MROH2A: variants seen among roughly 807,000 people sequenced by gnomAD.
The protein encoded by MROH2A is maestro heat like repeat family member 2A, also known as maestro heat-like repeat-containing protein family member 2A.
A neutral mutation model predicts 200.4 loss-of-function variants in MROH2A; 174 were observed. The ratio of observed to expected loss-of-function variants is 0.87; its 90% CI spans 0.77 to 0.98. The LOEUF (loss-of-function observed/expected upper bound fraction) is 0.98. Among genes scored for constraint, MROH2A ranks in the 50% least tolerant of loss-of-function variants. The pLI is 0.00. For synonymous variants in MROH2A, 829 were observed against 840.4 expected, an observed-to-expected ratio of 0.99 and a Z score of 0.23; for missense variants, 2,045 against 2,139.6, an observed-to-expected ratio of 0.96 and a Z score of 0.87.
chr2:233,820,409 A>T lies in MROH2A; in HGVS notation c.3512+353A>T, dbSNP rs1703859858. Among the ~76,000 whole-genome samples the T allele has an allele frequency of 6.6e-6, 1 of 152,182 alleles. No homozygotes were observed. Among genetic ancestry groups the T allele is most frequent in the African/African-American group, 2.4e-5 (1 of 41,448 alleles). ...AGGGTGCGGCTCCAAGGCATGAGCAAGCCCTGGATATATTCCAGGCTGTCC... is the reference window on the plus strand; with the variant it reads ...AGGGTGCGGCTCCAAGGCATGAGCATGCCCTGGATATATTCCAGGCTGTCC... On this transcript the variant is annotated intron_variant, in intron 31 of 41. Transcript: ENST00000389758. This position sits in a 1 kb window ranked among gnomAD's most constrained non-coding sequence, Gnocchi z 4.1.
chr2:233,815,850 T>C (rs1188068958), intron 26 of MROH2A, among the ~76,000 whole-genome samples: 9 of 56,866 alleles, frequency 1.6e-4, no homozygotes, highest in African/African-American at 3.2e-4. Context: ...TTTTGCTTTT[T>C]TTTTTTTTTT....
chr2:233,828,729 G>T lies in MROH2A; in HGVS notation c.4213G>T (p.Val1405Leu). 6.4e-7 allele frequency: 1 copy of T among 1,550,538 alleles called. No homozygotes were observed. The highest frequency in any genetic ancestry group is 8.7e-7 in the Non-Finnish European group (1 of 1,146,920). The change falls in exon 36 of 42, where the codon GTG (valine) becomes TTG (leucine). Residue 1405 changes from valine to leucine, a missense_variant. Coordinates refer to ENST00000389758, the MANE Select transcript of MROH2A (RefSeq NM_001394639.1). The surrounding 1 kb of genome is among the most constrained non-coding windows in gnomAD (Gnocchi z 4.6). ...CCAGGAGGAAGACGAGGCCCTGCGG[G>T]TGCTGTCCCTGCGCGCCCTCGGCAA... ...ADQEEDEALR[V>L]LSLRALGNMA...
chr2:233,793,540 T>C, intron 6 of MROH2A, 133 bp from the exon 7 acceptor site: 1 of 761,768 alleles, frequency 1.3e-6, no homozygotes, highest in Non-Finnish European at 1.9e-6. Context: ...CTGTGGGGGG[T>C]TGGAAGGGCA....
At chr2:233,788,198 A>T (rs1205726746) in intron 3 of MROH2A, among the ~76,000 whole-genome samples, 6 of 126,464 alleles carry the variant, frequency 4.7e-5, no homozygotes, top group Admixed American at 2.1e-4. Flanking sequence ...ACACACATAT[A>T]CATATATATG....
At chr2:233,827,812 AT>A (rs34589114) in intron 35 of MROH2A, among the ~76,000 whole-genome samples, 66,429 of 151,634 alleles carry the variant, frequency 0.44, 16,575 homozygotes, top group East Asian at 0.67. Context: ...ATTATAAATG[AT>A]TTTTTTTTAA....
At chr2:233,832,757 G>T (rs554826221) in intron 41 of MROH2A, 113 bp downstream of exon 41, 3 of 661,202 alleles carry the variant, frequency 4.5e-6, no homozygotes, top group Admixed American at 2.4e-5. Flanking sequence ...TGGGGTTTCG[G>T]GGGGGTGGGA....
At position 233,794,495 on chromosome 2, in the gene MROH2A, T is replaced by C. The variant is rs1701980260; in HGVS notation, c.955T>C (p.Phe319Leu). The C allele has an allele frequency of 6.6e-7, 1 of 1,525,566 alleles. No individual in the cohort carries two copies. The highest frequency in any genetic ancestry group is 8.9e-7 in the Non-Finnish European group (1 of 1,124,292). 94.5% of individuals were successfully genotyped at this position (1,525,566 alleles called of 1,614,324 possible). A position where few individuals can be genotyped will look rare whatever the true frequency, so the allele number is the denominator to read the frequency against. Residue 319 changes from phenylalanine (F) to leucine (L), a missense_variant, in exon 8 of 42, where the codon TTC becomes CTC. Phe to Leu is a conservative substitution (Grantham distance 22). Transcript: ENST00000389758. ...GTACCAGGGCAGTCTGGAGGTGCTCTTCGTCACGCAGGCGAGTGGCCAGGC... is the reference window on the plus strand; with the variant it reads ...GTACCAGGGCAGTCTGGAGGTGCTCCTCGTCACGCAGGCGAGTGGCCAGGC... The part of the protein sequence containing the change: ...AEYQGSLEVL[F>L]VTQVLRQILE...
At chr2:233,815,677 C>A (rs1347168555) in intron 26 of MROH2A, among the ~76,000 whole-genome samples, 2 of 152,138 alleles carry the variant, frequency 1.3e-5, no homozygotes, top group Non-Finnish European at 1.5e-5. Context: ...TATCTTTGCA[C>A]CTTTGTTGAA....
At chr2:233,801,627 C>T (rs1348694384) in intron 14 of MROH2A, among the ~76,000 whole-genome samples, 4 of 152,176 alleles carry the variant, frequency 2.6e-5, no homozygotes, top group Non-Finnish European at 5.9e-5. Context: ...CAGCGTTTCA[C>T]TCTTAAGGCG....
At chr2:233,816,981 C>A in intron 27 of MROH2A, 96 bp downstream of exon 27, 1 of 769,772 alleles carries the variant, frequency 1.3e-6, no homozygotes, top group South Asian at 1.8e-5. Context: ...CTTATGAAAT[C>A]AAGTTCTGTC....
chr2:233,820,303 C>T lies in MROH2A; in HGVS notation c.3512+247C>T, dbSNP rs1230025816. On this transcript the variant is annotated intron_variant, in intron 31 of 41. Transcript: ENST00000389758. This position sits in a 1 kb window ranked among gnomAD's most constrained non-coding sequence, Gnocchi z 4.1. The stretch of plus-strand genomic sequence containing the variant: ...CTGGACCCGTAGCTCCCCACATGCC[C>T]GGGACAGTGTCTGTGGAGTTCATTC... Among the ~76,000 whole-genome samples the T allele has an allele frequency of 3.9e-5, 6 of 151,914 alleles. No homozygotes were observed. The highest frequency in any genetic ancestry group is 1.2e-4 in the African/African-American group (5 of 41,426).
chr2:233,832,312 G>A, intron 40 of MROH2A, 33 bp downstream of exon 40: 2 of 1,530,636 alleles, frequency 1.3e-6, no homozygotes, highest in Non-Finnish European at 1.8e-6. Context: ...ACTCAAGATA[G>A]ACTTTGAAGG....
intron 37 of MROH2A, 100 bp downstream of exon 37, chr2:233,829,172 C>G: frequency 1.7e-6 from 2 of 1,170,044 alleles, no homozygotes; most frequent in Non-Finnish European, 2.3e-6. Flanking sequence ...AGAGCCGAGG[C>G]TCCTGCTGGG....
intron 17 of MROH2A, 141 bp downstream of exon 17, chr2:233,804,333 T>C (rs1702659277): frequency 1.4e-6 from 2 of 1,388,944 alleles, no homozygotes; most frequent in Admixed American, 4.2e-5. Flanking sequence ...TGAGAACTGG[T>C]TGAGCAGCTT....
chr2:233,819,227 T>G, intron 29 of MROH2A, 90 bp from the exon 30 acceptor site: 1 of 1,293,184 alleles, frequency 7.7e-7, no homozygotes, highest in South Asian at 1.5e-5. Flanking sequence ...GAGCCTGGAG[T>G]GGGGCCATGG....
chr2:233,787,769 C>T lies in MROH2A; in HGVS notation c.277-1728C>T, dbSNP rs1369460881. ...ATATATATTATATATATCATATATA[C>T]ATATATATTATATATATCATATATA... is the stretch of plus-strand genomic sequence containing the variant. On this transcript the variant is annotated intron_variant, in intron 3 of 41. Transcript: ENST00000389758. Among the ~76,000 whole-genome samples the T allele has an allele frequency of 1.1e-4, 2 of 18,428 alleles. 1 individual carries two copies. The highest frequency in any genetic ancestry group is 6.5e-4 in the African/African-American group (2 of 3,064). The allele number at this position is 18,428 out of a possible 152,430, so 12.1% of individuals were successfully genotyped here. A position where few individuals can be genotyped will look rare whatever the true frequency, so the allele number is the denominator to read the frequency against.
chr2:233,797,762 G>A (rs1702212430), intron 11 of MROH2A, among the ~76,000 whole-genome samples: 1 of 151,744 alleles, frequency 6.6e-6, no homozygotes, highest in South Asian at 2.1e-4. Context: ...AGGCCCCTGT[G>A]TGTGATGTTC....
In MROH2A at chr2:233,793,678, G is replaced by A; in HGVS notation, c.676G>A (p.Glu226Lys). 3 of 1,404,672 alleles carry A rather than the reference G, an allele frequency of 2.1e-6. No individual in the cohort carries two copies. Among genetic ancestry groups the A allele is most frequent in the Non-Finnish European group, 2.8e-6 (3 of 1,073,374 alleles). 87.0% of individuals were successfully genotyped at this position (1,404,672 alleles called of 1,614,324 possible). A position where few individuals can be genotyped will look rare whatever the true frequency, so the allele number is the denominator to read the frequency against. Residue 226 changes from glutamate (E) to lysine (K), a missense_variant, in exon 7 of 42, where the codon GAG becomes AAG. This residue lies in a region of MROH2A where 831 missense variants were observed against 800.0 expected (regional missense o/e 1.04). Transcript: ENST00000389758. ...KIRQAICSAM[E>K]TFCETVQFYL... ...TCCCCTGTTGCTGTTGGTAGCCATG[G>A]AGACCTTCTGTGAGACGGTGCAGTT...
intron 1 of MROH2A, 103 bp from the exon 2 acceptor site, chr2:233,779,242 C>A (rs377379270): frequency 2.8e-6 from 2 of 706,946 alleles, no homozygotes; most frequent in Non-Finnish European, 4.9e-6. Context: ...GTTCCACCCA[C>A]ACACCCTCAA....
Sources: allele counts gnomAD v4.1 joint callset (sites outside exome capture counted in the v4.1 genomes callset), GRCh38; gene constraint gnomAD v4.1.1; regional missense constraint gnomAD v4.1.1; non-coding constraint Gnocchi (gnomAD v3.1); transcripts MANE v1.5; gene names NCBI Gene and HGNC (gene_info 2026-07-23, HGNC 2026-07-21).